The following SMC6 variants were observed in gnomAD, a reference collection of about 807,000 sequenced individuals.
SMC6 encodes the protein structural maintenance of chromosomes 6.
A neutral mutation model predicts 142.2 loss-of-function variants in SMC6; 79 were observed. That is an observed-to-expected ratio of 0.56 (90% CI 0.46 to 0.67). SMC6 has a LOEUF of 0.67. SMC6 is among the 30% of genes least tolerant of loss of function. The pLI is 0.00. For missense variants in SMC6, 1,072 were observed against 1,284.0 expected (o/e 0.83, Z 2.52); for synonymous variants, 411 against 412.4 (o/e 1.00, Z 0.04).
At chr2:17,685,603 T>C (rs1667417159) in intron 23 of SMC6, among the ~76,000 whole-genome samples, 1 of 150,646 alleles carries the variant, frequency 6.6e-6, no homozygotes, top group South Asian at 2.1e-4. Context: ...AAAAATAAAC[T>C]CCAAATAAAT....
intron 17 of SMC6, 92 bp downstream of exon 17, chr2:17,708,547 A>G: frequency 1.8e-6 from 1 of 544,128 alleles, no homozygotes; most frequent in African/African-American, 2.0e-5. Context: ...CAGCAACTCT[A>G]TGATAAAAGG....
intron 5 of SMC6, among the ~76,000 whole-genome samples, chr2:17,735,039 G>C (rs1410673430): frequency 2.0e-5 from 3 of 151,710 alleles, no homozygotes; most frequent in Non-Finnish European, 4.4e-5. Flanking sequence ...CCTGCTATAT[G>C]AATCTAATAA....
At chr2:17,753,243 C>G (rs750878186) in intron 1 of SMC6, among the ~76,000 whole-genome samples, 179 bp from the exon 2 acceptor site, 17 of 106,530 alleles carry the variant, frequency 1.6e-4, no homozygotes, top group Admixed American at 5.2e-4. Flanking sequence ...TCATCAGACT[C>G]ATGCTAAGAG....
At chr2:17,737,127 G>T (rs1051965396) in intron 5 of SMC6, among the ~76,000 whole-genome samples, 7 of 152,136 alleles carry the variant, frequency 4.6e-5, no homozygotes, top group Non-Finnish European at 1.0e-4. Flanking sequence ...TAGGGCATGG[G>T]AAATAATCTT....
intron 4 of SMC6, among the ~76,000 whole-genome samples, chr2:17,741,274 T>G (rs1670459599): frequency 1.3e-5 from 2 of 152,366 alleles, no homozygotes; most frequent in Non-Finnish European, 2.9e-5. Context: ...TCACTTCATT[T>G]GTGCTCTTAC....
chr2:17,680,574 G>A (rs767512323), intron 24 of SMC6: 2 of 152,144 alleles, frequency 1.3e-5, no homozygotes, highest in Non-Finnish European at 2.9e-5. Context: ...CTTGATCTAT[G>A]GGTTACGAAT....
chr2:17,680,418 T>C (rs1667189251), intron 24 of SMC6: 1 of 152,224 alleles, frequency 6.6e-6, no homozygotes, highest in African/African-American at 2.4e-5. Context: ...TCATAAATGT[T>C]CTTAATGCTA....
rs974561393 is a variant in SMC6, at chr2:17,725,645, T to G, written c.625-287A>C. ...AATAAGCTCATTTTCACTAATTCCA[T>G]TCTTTAAGCAAAAACAGCTGAAAAG... On this transcript the variant is annotated intron_variant, in intron 8 of 27. Transcript: ENST00000448223. 2.6e-5 allele frequency among the ~76,000 whole-genome samples: 4 copies of G among 152,184 alleles called. No individual in the cohort carries two copies. In the East Asian group the frequency reaches 7.7e-4, roughly 29 times the overall value.
In SMC6 at chr2:17,726,271, T is replaced by G. The variant is rs1669620541; in HGVS notation, c.624+118A>C. The G allele has an allele frequency of 2.6e-5, 16 of 626,728 alleles. 1 individual carries two copies. The South Asian group carries it at 4.7e-4, about 18-fold the overall frequency. 38.8% of individuals were successfully genotyped at this position (626,728 alleles called of 1,614,324 possible). A position where few individuals can be genotyped will look rare whatever the true frequency, so the allele number is the denominator to read the frequency against. ...ATCTAGGAAATTGAATTACTTTAAA[T>G]AGATGGCTTTAAGGAAAAAAAAAAC... is the stretch of plus-strand genomic sequence containing the variant. On this transcript the variant is annotated intron_variant, in intron 8 of 27. Transcript: ENST00000448223.
At chr2:17,746,083 A>C in intron 2 of SMC6, 132 bp from the exon 3 acceptor site, 1 of 945,466 alleles carries the variant, frequency 1.1e-6, no homozygotes, top group Non-Finnish European at 1.5e-6. Context: ...AAATTAAAGT[A>C]AATTAGTCTT....
chr2:17,667,259 TA>T (rs1054263951), intron 26 of SMC6, among the ~76,000 whole-genome samples: 4 of 152,330 alleles, frequency 2.6e-5, no homozygotes, highest in African/African-American at 9.6e-5. Flanking sequence ...GGTTAAGTTT[TA>T]AAAAGTCTGC....
intron 15 of SMC6, 140 bp downstream of exon 15, chr2:17,715,946 T>C: frequency 4.2e-6 from 3 of 718,218 alleles, no homozygotes; most frequent in Non-Finnish European, 6.0e-6. Flanking sequence ...TTTAAAAATA[T>C]AAAACGAAAG....
At chr2:17,743,942 G>A (rs965212493) in intron 3 of SMC6, among the ~76,000 whole-genome samples, 15 of 152,128 alleles carry the variant, frequency 9.9e-5, no homozygotes, top group African/African-American at 1.9e-4. Flanking sequence ...ATAGTGCATC[G>A]TCTGGATATA....
chr2:17,739,879 AACACACACACACAC>A lies in SMC6; in HGVS notation c.239-1567_239-1554del, dbSNP rs60784309. On this transcript the variant is annotated intron_variant, in intron 4 of 27. Transcript: ENST00000448223. ...ACACACACACACAGAGAATATGGTA[AACACACACACACAC>A]ACACACACACACACACACACACACA... 3.9e-3 allele frequency among the ~76,000 whole-genome samples: 456 copies of A among 115,530 alleles called. 3 individuals carry two copies. Among genetic ancestry groups the A allele is most frequent in the Admixed American group, 6.2e-3 (66 of 10,652 alleles). 75.8% of individuals were successfully genotyped at this position (115,530 alleles called of 152,430 possible). A position where few individuals can be genotyped will look rare whatever the true frequency, so the allele number is the denominator to read the frequency against.
intron 15 of SMC6, 45 bp from the exon 16 acceptor site, chr2:17,715,110 T>C (rs1384687226): frequency 1.9e-6 from 3 of 1,563,246 alleles, no homozygotes; most frequent in East Asian, 2.2e-5. Context: ...AATACTTATT[T>C]TGAAATATTA....
At chr2:17,674,603 A>G (rs1289620398) in intron 25 of SMC6, among the ~76,000 whole-genome samples, 1 of 152,100 alleles carries the variant, frequency 6.6e-6, no homozygotes, top group Admixed American at 6.5e-5. Flanking sequence ...TTTTAATCTG[A>G]TTGTTCTATC....
chr2:17,723,044 C>T (rs1669451200), intron 9 of SMC6, among the ~76,000 whole-genome samples: 1 of 151,208 alleles, frequency 6.6e-6, no homozygotes, highest in African/African-American at 2.4e-5. Context: ...GAAAAACTGG[C>T]TTTTCTTCCC....
At chr2:17,715,293 C>T (rs896611478) in intron 15 of SMC6, among the ~76,000 whole-genome samples, 2 of 151,926 alleles carry the variant, frequency 1.3e-5, no homozygotes, top group South Asian at 2.1e-4. Flanking sequence ...CCATAGGATA[C>T]AATGGAGAGA....
intron 9 of SMC6, among the ~76,000 whole-genome samples, chr2:17,722,718 G>A (rs1315342137): frequency 6.6e-6 from 1 of 152,114 alleles, no homozygotes; most frequent in East Asian, 1.9e-4. Flanking sequence ...AGTCATGACT[G>A]GTTCCTTCTC....
Sources: allele counts gnomAD v4.1 joint callset (sites outside exome capture counted in the v4.1 genomes callset), GRCh38; gene constraint gnomAD v4.1.1; transcripts MANE v1.5; gene names NCBI Gene and HGNC (gene_info 2026-07-23, HGNC 2026-07-21).